The following DLGAP1 variants were observed in gnomAD, a reference collection of about 807,000 sequenced individuals.
DLGAP1 encodes DLG associated protein 1.
In DLGAP1, 11 loss-of-function variants were observed where a neutral mutation model predicts 90.8. The ratio of observed to expected loss-of-function variants is 0.12; its 90% CI spans 0.08 to 0.20. The LOEUF (loss-of-function observed/expected upper bound fraction) is 0.20. DLGAP1 is among the 10% of genes least tolerant of loss of function. DLGAP1 has a pLI of 1.00. For missense variants in DLGAP1, 1,050 were observed against 1,333.8 expected (o/e 0.79, Z 3.31); for synonymous variants, 558 against 540.7 (o/e 1.03, Z -0.44).
chr18:3,596,906 G>A (rs1204331132), intron 7 of DLGAP1: 1 of 519,946 alleles, frequency 1.9e-6, no homozygotes, highest in Non-Finnish European at 3.8e-6. Flanking sequence ...GATCTAGCAG[G>A]CCAAATCCTA....
chr18:3,513,733 A>G (rs2050671123), intron 10 of DLGAP1, among the ~76,000 whole-genome samples: 2 of 152,190 alleles, frequency 1.3e-5, no homozygotes, highest in Non-Finnish European at 2.9e-5. Flanking sequence ...GAGAACAACT[A>G]TGTTGGCTGT....
rs34812405 is a variant in DLGAP1 at position 4,115,336 on chromosome 18, GTT to G, written c.-159+35842_-159+35843del. Among the ~76,000 whole-genome samples, 788 of 145,524 alleles carry G rather than the reference GTT, an allele frequency of 5.4e-3. 6 individuals carry two copies. The highest frequency in any genetic ancestry group is 0.027 in the South Asian group (122 of 4,600). On this transcript the variant is annotated intron_variant, in intron 2 of 12. Coordinates refer to ENST00000315677, the MANE Select transcript of DLGAP1 (RefSeq NM_004746.4). ...TTGTTATAATTTTACATAATCTTAT[GTT>G]TTTTTTTTTTTAACAAAACTGAGAA...
chr18:3,589,242 G>A (rs952188548), intron 7 of DLGAP1, among the ~76,000 whole-genome samples: 2 of 152,162 alleles, frequency 1.3e-5, no homozygotes, highest in African/African-American at 2.4e-5. Flanking sequence ...GAAGGCCTGG[G>A]CCAGAGATTA....
chr18:4,082,201 G>T, intron 2 of DLGAP1, among the ~76,000 whole-genome samples: 1 of 151,886 alleles, frequency 6.6e-6, no homozygotes, highest in African/African-American at 2.4e-5. Flanking sequence ...AATTAGCTGG[G>T]CGTGGCAGTG....
intron 9 of DLGAP1, among the ~76,000 whole-genome samples, chr18:3,562,934 T>G (rs1313792225): frequency 1.3e-5 from 2 of 152,098 alleles, no homozygotes; most frequent in Non-Finnish European, 2.9e-5. Context: ...GCTCAAGCAA[T>G]CTTTCCACCT....
At chr18:3,601,027 TAGATATAG>T (rs2056983212) in intron 7 of DLGAP1, among the ~76,000 whole-genome samples, 1 of 116,606 alleles carries the variant, frequency 8.6e-6, no homozygotes, top group Non-Finnish European at 1.9e-5. Flanking sequence ...TATAGATATA[TAGATATAG>T]AGATAAAGAT....
chr18:3,771,916 C>T (rs752969228), intron 5 of DLGAP1, among the ~76,000 whole-genome samples: 2 of 152,044 alleles, frequency 1.3e-5, no homozygotes, highest in Non-Finnish European at 2.9e-5. Flanking sequence ...AGAACATTCT[C>T]TCCTCTCCCG....
intron 3 of DLGAP1, among the ~76,000 whole-genome samples, chr18:3,950,998 G>A (rs148214355): frequency 5.1e-4 from 77 of 152,284 alleles, no homozygotes; most frequent in African/African-American, 1.7e-3. Flanking sequence ...CCCTTAAACA[G>A]CACATGAAGG....
At chr18:3,659,168 C>A (rs528762165) in intron 7 of DLGAP1, among the ~76,000 whole-genome samples, 11 of 151,978 alleles carry the variant, frequency 7.2e-5, no homozygotes, top group Non-Finnish European at 1.5e-4. Flanking sequence ...AGTTAGATAC[C>A]TTATATTAAC....
intron 6 of DLGAP1, among the ~76,000 whole-genome samples, chr18:3,737,078 T>C (rs2062676625): frequency 6.8e-6 from 1 of 148,106 alleles, no homozygotes; most frequent in African/African-American, 2.5e-5. Flanking sequence ...CAGGAAGAAG[T>C]TGAATCTCTG....
At position 4,089,744 on chromosome 18, in the gene DLGAP1, T is replaced by C. The variant is rs779451246; in HGVS notation, c.-159+61436A>G. ...AAACTGGCTAGCCATATGTAGAAAA[T>C]TGAAACCGGACCTCTTCCTGGCCGG... On this transcript the variant is annotated intron_variant, in intron 2 of 12. Transcript: ENST00000315677. Among the ~76,000 whole-genome samples the C allele has an allele frequency of 7.9e-5, 12 of 152,112 alleles. No individual in the cohort carries two copies. In the South Asian group the frequency reaches 8.3e-4, roughly 11 times the overall value.
chr18:4,170,903 G>A (rs1310537353), intron 1 of DLGAP1, among the ~76,000 whole-genome samples: 2 of 152,064 alleles, frequency 1.3e-5, no homozygotes, highest in Admixed American at 6.6e-5. Context: ...TGGGAGAGGA[G>A]GACCAGCTTG....
intron 2 of DLGAP1, among the ~76,000 whole-genome samples, chr18:4,143,743 G>T (rs771440382): frequency 6.6e-6 from 1 of 152,076 alleles, no homozygotes; most frequent in Non-Finnish European, 1.5e-5. Flanking sequence ...CATCCAGCAT[G>T]GCTCTGAGTC....
chr18:3,520,830 T>C (rs993563426), intron 10 of DLGAP1, among the ~76,000 whole-genome samples: 1 of 152,224 alleles, frequency 6.6e-6, no homozygotes, highest in Non-Finnish European at 1.5e-5. Flanking sequence ...CTCGTATTTC[T>C]TCTGCTCTCC....
intron 1 of DLGAP1, among the ~76,000 whole-genome samples, chr18:4,240,904 G>C (rs1427417487): frequency 6.6e-6 from 1 of 152,200 alleles, no homozygotes; most frequent in Non-Finnish European, 1.5e-5. Flanking sequence ...TTGGCTAAAT[G>C]ATGATGGAAA....
intron 1 of DLGAP1, among the ~76,000 whole-genome samples, chr18:4,398,347 T>G (rs2082480689): frequency 6.6e-6 from 1 of 152,082 alleles, no homozygotes; most frequent in Admixed American, 6.5e-5. Flanking sequence ...TTTTCATTAC[T>G]AGAAATGTGA....
intron 1 of DLGAP1, among the ~76,000 whole-genome samples, 197 bp from the exon 2 acceptor site, chr18:4,151,484 TC>T (rs2076673759): frequency 6.6e-6 from 1 of 152,142 alleles, no homozygotes; most frequent in Admixed American, 6.5e-5. Flanking sequence ...GAAAATAAAA[TC>T]AATCACCCAG....
chr18:4,235,719 CTTTTTTTTTTTTTT>C (rs1175101805), intron 1 of DLGAP1, among the ~76,000 whole-genome samples: 1 of 80,270 alleles, frequency 1.2e-5, no homozygotes, highest in South Asian at 5.2e-4. Context: ...ATTTCAATGT[CTTTTTTTTTTTTTT>C]TTTTTTTTTT....
chr18:4,153,498 C>T (rs565552891), intron 1 of DLGAP1, among the ~76,000 whole-genome samples: 1 of 152,182 alleles, frequency 6.6e-6, no homozygotes, highest in African/African-American at 2.4e-5. Flanking sequence ...TTCCTTACCC[C>T]AAGTGTCCCT....
Sources: allele counts gnomAD v4.1 joint callset (sites outside exome capture counted in the v4.1 genomes callset), GRCh38; gene constraint gnomAD v4.1.1; transcripts MANE v1.5; gene names NCBI Gene and HGNC (gene_info 2026-07-23, HGNC 2026-07-21).